The following RRP9 variants were observed in gnomAD, a reference collection of about 807,000 sequenced individuals.
The protein encoded by RRP9 is ribosomal RNA processing 9, U3 small nucleolar RNA binding protein, also known as U3 small nucleolar RNA-interacting protein 2.
In RRP9, 35 loss-of-function variants were observed where a neutral mutation model predicts 65.5. The ratio of observed to expected loss-of-function variants is 0.53; its 90% CI spans 0.41 to 0.71. The LOEUF (loss-of-function observed/expected upper bound fraction) is 0.71. RRP9 is among the 30% of genes least tolerant of loss of function. The pLI is 0.00. For synonymous variants in RRP9, 254 were observed against 245.0 expected (o/e 1.04, Z -0.34); for missense variants, 533 against 633.6 (o/e 0.84, Z 1.70).
rs751262871 is a variant in RRP9 at position 51,936,286 on chromosome 3, T to C, written c.706A>G (p.Thr236Ala). The C allele has an allele frequency of 1.2e-6, 2 of 1,613,746 alleles. No homozygotes were observed. The highest frequency in any genetic ancestry group is 1.7e-6 in the Non-Finnish European group (2 of 1,179,930). Reference protein sequence around the residue: ...WEAQSCQHLYTFTGHRDAVSG... With the variant: ...WEAQSCQHLYAFTGHRDAVSG... ...ACTGCATCCCGGTGTCCTGTGAAGG[T>C]GTACAAGTGCTGGCAGCTCTGGGCC... The change falls in exon 8 of 15, where the codon ACC (threonine) becomes GCC (alanine). Residue 236 changes from threonine (T) to alanine (A), a missense_variant. This residue lies in a region of RRP9 where 449 missense variants were observed against 550.6 expected (regional missense o/e 0.82). Coordinates refer to ENST00000232888, the MANE Select transcript of RRP9 (RefSeq NM_004704.5).
In RRP9 at chr3:51,941,560, C is replaced by CCA. The variant is rs1553715553; in HGVS notation, c.88-70_88-69insTG. 36 of 1,415,238 alleles carry CCA rather than the reference C, an allele frequency of 2.5e-5. No homozygotes were observed. The African/African-American group carries it at 4.1e-4, about 16-fold the overall frequency. 87.7% of individuals were successfully genotyped at this position (1,415,238 alleles called of 1,614,324 possible). A position where few individuals can be genotyped will look rare whatever the true frequency, so the allele number is the denominator to read the frequency against. ...CCCTGGCATTGACCAAGGGCCCCCC[C>CCA]CCCTCGGTTCCCTCAGAACCCCAGG... is the stretch of plus-strand genomic sequence containing the variant. On this transcript the variant is annotated intron_variant, in intron 1 of 14. Transcript: ENST00000232888.
rs1015157214 is a variant in RRP9 at position 51,936,487 on chromosome 3, G to A, written c.586C>T (p.Pro196Ser). The change falls in exon 7 of 15, where the codon CCT becomes TCT. Residue 196 changes from proline to serine, a missense_variant. Physicochemically the swap from Pro to Ser is moderately conservative, Grantham distance 74. Coordinates refer to ENST00000232888, the MANE Select transcript of RRP9 (RefSeq NM_004704.5). ...CAGAGGACGTGGCTGCTGTGGCCAG[G>A]GGGCTTTCCCTCGGCACCCTTCTTG... is the stretch of plus-strand genomic sequence containing the variant. ...RAKKGAEGKP[P>S]GHSSHVLCMA... The A allele has an allele frequency of 1.2e-6, 2 of 1,614,226 alleles. No individual in the cohort carries two copies. The highest frequency in any genetic ancestry group is 1.3e-5 in the African/African-American group (1 of 75,052).
Position 51,934,877 on chromosome 3 carries a change from T to C in RRP9, c.1035-101A>G, listed in dbSNP as rs1310506439. On this transcript the variant is annotated intron_variant, in intron 11 of 14. Transcript: ENST00000232888. This position sits in a 1 kb window ranked among gnomAD's most constrained non-coding sequence, Gnocchi z 4.1. ...TGCTTGAGGGGATGGATACCCCATT[T>C]CCCATGATGTGATTATTACATATTG... 3.2e-6 allele frequency: 4 copies of C among 1,266,306 alleles called. No homozygotes were observed. The East Asian group carries it at 9.5e-5, about 30-fold the overall frequency. The allele number at this position is 1,266,306 out of a possible 1,614,324, so 78.4% of individuals were successfully genotyped here. A position where few individuals can be genotyped will look rare whatever the true frequency, so the allele number is the denominator to read the frequency against.
chr3:51,938,066 G>T, intron 3 of RRP9, 29 bp downstream of exon 3: 1 of 1,546,120 alleles, frequency 6.5e-7, no homozygotes. Context: ...CAGAAGCCCT[G>T]CCCATGGCTG....
rs1699477645 is a variant in RRP9, at chr3:51,937,884, C to T, written c.281-148G>A. 3 of 1,076,354 alleles carry T rather than the reference C, an allele frequency of 2.8e-6. No homozygotes were observed. In the Admixed American group the frequency reaches 7.1e-5, roughly 25 times the overall value. The allele number at this position is 1,076,354 out of a possible 1,614,324, so 66.7% of individuals were successfully genotyped here. A position where few individuals can be genotyped will look rare whatever the true frequency, so the allele number is the denominator to read the frequency against. ...GGAGGGCAAGCTGGAGGGTTTCCTC[C>T]TGCCTTTACTTATCAGATCAGCCCC... is the stretch of plus-strand genomic sequence containing the variant. On this transcript the variant is annotated intron_variant, in intron 3 of 14. Coordinates refer to ENST00000232888, the MANE Select transcript of RRP9 (RefSeq NM_004704.5). This position sits in a 1 kb window ranked among gnomAD's most constrained non-coding sequence, Gnocchi z 5.0.
In RRP9 at chr3:51,934,816, G is replaced by T. The variant is rs765072849; in HGVS notation, c.1035-40C>A. The T allele has an allele frequency of 4.4e-6, 7 of 1,590,496 alleles. No homozygotes were observed. Among genetic ancestry groups the T allele is most frequent in the Non-Finnish European group, 6.0e-6 (7 of 1,166,400 alleles). ...GGAATACAGCAGTGAGGGGGCCAGA[G>T]GCAGAAAAGGCCCCCTGTGTAACAC... On this transcript the variant is annotated intron_variant, in intron 11 of 14. Coordinates refer to ENST00000232888, the MANE Select transcript of RRP9 (RefSeq NM_004704.5). This position sits in a 1 kb window ranked among gnomAD's most constrained non-coding sequence, Gnocchi z 4.1.
intron 2 of RRP9, among the ~76,000 whole-genome samples, chr3:51,941,103 GGAA>G (rs1699518207): frequency 6.6e-6 from 1 of 152,336 alleles, no homozygotes; most frequent in Non-Finnish European, 1.5e-5. Context: ...AACTGGCAAG[GGAA>G]GAAGGATGCA....
In RRP9 at chr3:51,934,491, A is replaced by AGGT; in HGVS notation, c.1238_1240dup (p.Asp413_Leu414insHis). The AGGT allele has an allele frequency of 6.2e-7, 1 of 1,613,814 alleles. No individual in the cohort carries two copies. The highest frequency in any genetic ancestry group is 8.5e-7 in the Non-Finnish European group (1 of 1,179,814). On this transcript the variant is annotated inframe_insertion, in exon 13 of 15. Coordinates refer to ENST00000232888, the MANE Select transcript of RRP9 (RefSeq NM_004704.5). The surrounding 1 kb of genome is among the most constrained non-coding windows in gnomAD (Gnocchi z 4.1). The stretch of plus-strand genomic sequence containing the variant: ...ACTCACCAGGGGGATGTCACAGAGA[A>AGGT]GGTCAAGCTGCCGGAAGCCTTCCCC...
rs780045263 is a variant in RRP9, at chr3:51,934,530, C to A, written c.1202G>T (p.Arg401Leu). ...VATGSHSSCV[R>L]LWQCGEGFRQ... ...GAAGCCTTCCCCACACTGCCAAAGC[C>A]GCACACAGGAGCTGTGGGAGCCTGG... Residue 401 changes from arginine to leucine, a missense_variant, in exon 13 of 15, where the codon CGG (arginine) becomes CTG (leucine). By Grantham distance (102) the Arg-to-Leu change is moderately radical. Around this residue, in one of 3 missense-constraint regions of RRP9, gnomAD observed 449 missense variants for 550.6 expected, o/e 0.82. Coordinates refer to ENST00000232888, the MANE Select transcript of RRP9 (RefSeq NM_004704.5). This position sits in a 1 kb window ranked among gnomAD's most constrained non-coding sequence, Gnocchi z 4.1. 3.1e-6 allele frequency: 5 copies of A among 1,614,076 alleles called. No homozygotes were observed. Among genetic ancestry groups the A allele is most frequent in the Non-Finnish European group, 3.4e-6 (4 of 1,179,960 alleles).
chr3:51,935,202 G>T lies in RRP9; in HGVS notation c.1029C>A (p.Asp343Glu), dbSNP rs41291742. ...ACATCCAAAGGACCTCTTACCCATC[G>T]TCCGCGCCGGACACCATGTGCTCCT... ...INEEHMVSGA[D>E]DGSVALWGLS... The change falls in exon 11 of 15, where the codon GAC becomes GAA. Residue 343 changes from aspartate (D) to glutamate (E), a missense_variant. By Grantham distance (45) the Asp-to-Glu change is conservative. Transcript: ENST00000232888. 1 of 1,611,662 alleles carries T rather than the reference G, an allele frequency of 6.2e-7. No individual in the cohort carries two copies. Among genetic ancestry groups the T allele is most frequent in the Non-Finnish European group, 8.5e-7 (1 of 1,178,550 alleles).
At position 51,933,567 on chromosome 3, in the gene RRP9, C is replaced by T. The variant is rs145312939; in HGVS notation, c.1367G>A (p.Arg456Gln). 9 of 1,614,108 alleles carry T rather than the reference C, an allele frequency of 5.6e-6. No homozygotes were observed. Among genetic ancestry groups the T allele is most frequent in the Admixed American group, 5.0e-5 (3 of 60,018 alleles). The change falls in exon 15 of 15, where the codon CGG (arginine) becomes CAG (glutamine). Residue 456 changes from arginine (R) to glutamine (Q), a missense_variant. Coordinates refer to ENST00000232888, the MANE Select transcript of RRP9 (RefSeq NM_004704.5). ...LGRWWRIKEA[R>Q]NSVCIIPLRR... is the part of the protein sequence containing the mutation. ...GAGTGGGATGATGCAGACAGAATTC[C>T]GAGCCTCTTTGATTCTCCACCATCG...
rs147954606 is a variant in RRP9, at chr3:51,941,610, G to C, written c.88-119C>G. ...GAATGGGGAAGGCGGTGGTTCCCGGGTTAAGCGAACGGCTTTCTAGGATTT... is the reference window on the plus strand; with the variant it reads ...GAATGGGGAAGGCGGTGGTTCCCGGCTTAAGCGAACGGCTTTCTAGGATTT... On this transcript the variant is annotated intron_variant, in intron 1 of 14. Transcript: ENST00000232888. 587 of 1,167,180 alleles carry C rather than the reference G, an allele frequency of 5.0e-4. 3 individuals carry two copies. In the African/African-American group the frequency reaches 7.3e-3, roughly 15 times the overall value. The allele number at this position is 1,167,180 out of a possible 1,614,324, so 72.3% of individuals were successfully genotyped here. A position where few individuals can be genotyped will look rare whatever the true frequency, so the allele number is the denominator to read the frequency against.
intron 1 of RRP9, 130 bp from the exon 2 acceptor site, chr3:51,941,621 G>C: frequency 9.0e-7 from 1 of 1,110,260 alleles, no homozygotes; most frequent in Non-Finnish European, 1.3e-6. Flanking sequence ...TTAAGCGAAC[G>C]GCTTTCTAGG....
At position 51,937,672 on chromosome 3, in the gene RRP9, A is replaced by G. The variant is rs1388410867; in HGVS notation, c.345T>C (p.Asp115=). 6.2e-7 allele frequency: 1 copy of G among 1,613,726 alleles called. No homozygotes were observed. Among genetic ancestry groups the G allele is most frequent in the East Asian group, 2.2e-5 (1 of 44,874 alleles). Residue 115 remains aspartate, a synonymous_variant, in exon 4 of 15, where the codon GAT becomes GAC. Transcript: ENST00000232888. This position sits in a 1 kb window ranked among gnomAD's most constrained non-coding sequence, Gnocchi z 5.0. The stretch of plus-strand genomic sequence containing the variant: ...CCAACTCTCCCTCCACACTTACCAC[A>G]TCCTCCTTCAGGCGCCCCGCCACCT... The part of the protein sequence containing the change: ...EDQVAGRLKE[D]VLEQRGRLQK...
Position 51,936,690 on chromosome 3 carries a change from C to T in RRP9, c.518-135G>A, listed in dbSNP as rs1473397603. On this transcript the variant is annotated intron_variant, in intron 6 of 14. Coordinates refer to ENST00000232888, the MANE Select transcript of RRP9 (RefSeq NM_004704.5). ...CGGCCAGAAGACCTGGCTCAGCCAC[C>T]GTGAGCCTCCGGACAAGCTGCCTCA... 8.9e-6 allele frequency: 8 copies of T among 902,698 alleles called. No homozygotes were observed. The Admixed American group carries it at 1.0e-4, about 11-fold the overall frequency. 55.9% of individuals were successfully genotyped at this position (902,698 alleles called of 1,614,324 possible).
At chr3:51,936,877 CA>C (rs1453717817) in intron 6 of RRP9, among the ~76,000 whole-genome samples, 1 of 152,212 alleles carries the variant, frequency 6.6e-6, no homozygotes, top group Non-Finnish European at 1.5e-5. Flanking sequence ...GATGGGAACC[CA>C]GGAGGACCGG....
At position 51,935,586 on chromosome 3, in the gene RRP9, A is replaced by T; in HGVS notation, c.836+6T>A. ...CATCCACACACCCTCTCCCATCCAC[A>T]CTCACAGCGTCTCCACGTAGGAGTT... On this transcript the variant is annotated splice_donor_region_variant and intron_variant, in intron 9 of 14. Transcript: ENST00000232888. The T allele has an allele frequency of 6.2e-7, 1 of 1,613,874 alleles. No individual in the cohort carries two copies. The highest frequency in any genetic ancestry group is 8.5e-7 in the Non-Finnish European group (1 of 1,179,850).
chr3:51,935,554 C>G lies in RRP9; in HGVS notation c.836+38G>C, dbSNP rs758173778. On this transcript the variant is annotated intron_variant, in intron 9 of 14. Coordinates refer to ENST00000232888, the MANE Select transcript of RRP9 (RefSeq NM_004704.5). ...ACGGGCACACACTCCCACACCCTCT[C>G]TCACACCATCCACACACCCTCTCCC... is the stretch of plus-strand genomic sequence containing the variant. The G allele has an allele frequency of 3.1e-6, 5 of 1,613,580 alleles. No homozygotes were observed. In the Admixed American group the frequency reaches 8.3e-5, roughly 27 times the overall value.
In RRP9 at chr3:51,934,821, A is replaced by T; in HGVS notation, c.1035-45T>A. ...ACAGCAGTGAGGGGGCCAGAGGCAGAAAAGGCCCCCTGTGTAACACAAAGG... is the reference window on the plus strand; with the variant it reads ...ACAGCAGTGAGGGGGCCAGAGGCAGTAAAGGCCCCCTGTGTAACACAAAGG... On this transcript the variant is annotated intron_variant, in intron 11 of 14. Coordinates refer to ENST00000232888, the MANE Select transcript of RRP9 (RefSeq NM_004704.5). The surrounding 1 kb of genome is among the most constrained non-coding windows in gnomAD (Gnocchi z 4.1). The T allele has an allele frequency of 6.3e-7, 1 of 1,584,790 alleles. No homozygotes were observed. The highest frequency in any genetic ancestry group is 8.6e-7 in the Non-Finnish European group (1 of 1,162,456).
Sources: gnomAD v4.1 joint callset for allele counts (sites outside exome capture counted in the v4.1 genomes callset) on GRCh38, gnomAD v4.1.1 for gene constraint, gnomAD v4.1.1 regional missense constraint, Gnocchi (gnomAD v3.1) non-coding constraint, MANE v1.5 for transcripts, NCBI Gene and HGNC (gene_info 2026-07-23, HGNC 2026-07-21) for gene names.